Variants in DNAJC1 observed in about 807,000 individuals in gnomAD.
DNAJC1 encodes the protein dnaJ homolog subfamily C member 1.
A neutral mutation model predicts 76.6 loss-of-function variants in DNAJC1; 58 were observed. The ratio of observed to expected loss-of-function variants is 0.76; its 90% CI spans 0.61 to 0.94. The LOEUF is 0.94. Among genes scored for constraint, DNAJC1 ranks in the 40% least tolerant of loss-of-function variants. The pLI, the probability that DNAJC1 is intolerant of heterozygous loss-of-function variation, is 0.00. For missense variants in DNAJC1, 689 were observed against 677.3 expected, an observed-to-expected ratio of 1.02 and a Z score of -0.19; for synonymous variants, 258 against 267.9, an observed-to-expected ratio of 0.96 and a Z score of 0.36.
chr10:21,938,260 C>T (rs947142111), intron 1 of DNAJC1, among the ~76,000 whole-genome samples: 8 of 150,580 alleles, frequency 5.3e-5, no homozygotes, highest in East Asian at 1.9e-4. Flanking sequence ...GAGAAGGATA[C>T]GAATGAAAAC....
intron 8 of DNAJC1, among the ~76,000 whole-genome samples, chr10:21,843,432 C>G (rs1336726645): frequency 7.1e-6 from 1 of 141,316 alleles, no homozygotes; most frequent in Non-Finnish European, 1.5e-5. Context: ...CTCACTCTGT[C>G]GCCCAGGCTG....
intron 1 of DNAJC1, among the ~76,000 whole-genome samples, chr10:21,937,691 G>T (rs1005760556): frequency 6.6e-6 from 1 of 152,046 alleles, no homozygotes; most frequent in Non-Finnish European, 1.5e-5. Flanking sequence ...AGGAATATTA[G>T]CCAAGATATA....
rs1716931100 is a variant in DNAJC1, at chr10:21,928,624, CTACAA to C, written c.325-77_325-73del. The C allele has an allele frequency of 1.5e-5, 18 of 1,200,966 alleles. No homozygotes were observed. The South Asian group carries it at 2.1e-4, about 14-fold the overall frequency. 74.4% of individuals were successfully genotyped at this position (1,200,966 alleles called of 1,614,324 possible). On this transcript the variant is annotated intron_variant, in intron 2 of 11. Transcript: ENST00000376980. The stretch of plus-strand genomic sequence containing the variant: ...GAAATCACATAGGAGGGTGAAGGCA[CTACAA>C]TACACATGCAGAAAATCCTATGTGC...
intron 3 of DNAJC1, among the ~76,000 whole-genome samples, chr10:21,923,556 T>C (rs1033936556): frequency 2.6e-5 from 4 of 151,966 alleles, no homozygotes; most frequent in African/African-American, 4.8e-5. Context: ...AATGTATAAA[T>C]GTATGTGTTG....
chr10:21,893,215 G>C (rs560835478), intron 7 of DNAJC1, among the ~76,000 whole-genome samples: 58 of 151,150 alleles, frequency 3.8e-4, no homozygotes, highest in African/African-American at 1.3e-3. Flanking sequence ...ATGTTTAATA[G>C]AAATATAACA....
At chr10:21,799,248 G>A (rs1044217279) in intron 9 of DNAJC1, among the ~76,000 whole-genome samples, 5 of 152,006 alleles carry the variant, frequency 3.3e-5, no homozygotes, top group Non-Finnish European at 7.4e-5. Context: ...TTTACGTGTG[G>A]TTTCCATGTT....
At chr10:21,988,256 T>C (rs187888910) in intron 1 of DNAJC1, among the ~76,000 whole-genome samples, 2 of 152,272 alleles carry the variant, frequency 1.3e-5, no homozygotes, top group Non-Finnish European at 2.9e-5. Context: ...TTATCCATGT[T>C]AGAAAGGCAT....
chr10:21,818,952 A>G (rs561289505), intron 8 of DNAJC1, among the ~76,000 whole-genome samples: 2 of 152,334 alleles, frequency 1.3e-5, no homozygotes, highest in East Asian at 3.9e-4. Flanking sequence ...AAAATGCAGA[A>G]GAGTAAATTG....
chr10:21,762,063 C>A (rs896133479), intron 10 of DNAJC1, among the ~76,000 whole-genome samples: 1 of 152,114 alleles, frequency 6.6e-6, no homozygotes, highest in Admixed American at 6.5e-5. Flanking sequence ...GTCAGCCTCT[C>A]GAGGAGCTGG....
intron 7 of DNAJC1, among the ~76,000 whole-genome samples, chr10:21,901,235 T>TA (rs765510627): frequency 2.0e-5 from 3 of 152,220 alleles, no homozygotes; most frequent in Non-Finnish European, 4.4e-5. Context: ...TCATAGAAGG[T>TA]ACAAAGAAAG....
At chr10:21,901,448 A>G (rs1836651560) in intron 7 of DNAJC1, among the ~76,000 whole-genome samples, 1 of 152,200 alleles carries the variant, frequency 6.6e-6, no homozygotes, top group African/African-American at 2.4e-5. Context: ...TTAACCCTCA[A>G]AAGTCTAATA....
chr10:21,976,001 T>G (rs1310541354), intron 1 of DNAJC1, among the ~76,000 whole-genome samples: 1 of 152,024 alleles, frequency 6.6e-6, no homozygotes, highest in Non-Finnish European at 1.5e-5. Flanking sequence ...GGCAAAAATA[T>G]AATAGGGAAA....
chr10:21,813,214 C>CTATA (rs1275585803), intron 8 of DNAJC1, among the ~76,000 whole-genome samples: 16 of 42,680 alleles, frequency 3.7e-4, no homozygotes, highest in Non-Finnish European at 5.7e-4. Context: ...CTCTCTCTCT[C>CTATA]TCTCTCTATA....
intron 9 of DNAJC1, among the ~76,000 whole-genome samples, chr10:21,802,342 A>G (rs1834823051): frequency 6.6e-6 from 1 of 152,124 alleles, no homozygotes; most frequent in Non-Finnish European, 1.5e-5. Context: ...ATTTGCCAAG[A>G]TAATAACTAT....
At position 22,003,542 on chromosome 10, in the gene DNAJC1, G is replaced by T; in HGVS notation, c.-108C>A. The stretch of plus-strand genomic sequence containing the variant: ...AACAGCGCCTGTCAGTGAAAAGCGC[G>T]GGCAGGCGCACCGGAGCGGCCCGCC... On this transcript the variant is annotated 5_prime_UTR_variant, in exon 1 of 12. Coordinates refer to ENST00000376980, the MANE Select transcript of DNAJC1 (RefSeq NM_022365.4). 1.6e-6 allele frequency: 2 copies of T among 1,232,900 alleles called. No individual in the cohort carries two copies. The highest frequency in any genetic ancestry group is 3.0e-5 in the South Asian group (1 of 33,844). 76.4% of individuals were successfully genotyped at this position (1,232,900 alleles called of 1,614,324 possible).
intron 1 of DNAJC1, among the ~76,000 whole-genome samples, chr10:21,972,422 T>A (rs1455378005): frequency 1.3e-5 from 2 of 152,038 alleles, no homozygotes; most frequent in Non-Finnish European, 2.9e-5. Flanking sequence ...AATTTTCTAC[T>A]TGAGTATGTA....
chr10:21,908,285 T>TAC (rs1836792786), intron 6 of DNAJC1, among the ~76,000 whole-genome samples: 1 of 124,248 alleles, frequency 8.0e-6, no homozygotes, highest in Non-Finnish European at 1.6e-5. Flanking sequence ...TATATATATA[T>TAC]ATAAGAATTT....
At chr10:21,829,205 G>T (rs1225753376) in intron 8 of DNAJC1, among the ~76,000 whole-genome samples, 1 of 149,820 alleles carries the variant, frequency 6.7e-6, no homozygotes, top group Non-Finnish European at 1.5e-5. Context: ...TGATTTTTTT[G>T]TTGTTGTTCG....
chr10:21,805,928 C>T, intron 9 of DNAJC1, 52 bp downstream of exon 9: 1 of 1,604,786 alleles, frequency 6.2e-7, no homozygotes, highest in African/African-American at 1.3e-5. Context: ...TTCTACATAG[C>T]TGACTTGTTC....
Sources: gnomAD v4.1 joint callset for allele counts (sites outside exome capture counted in the v4.1 genomes callset) on GRCh38, gnomAD v4.1.1 for gene constraint, MANE v1.5 for transcripts, NCBI Gene and HGNC (gene_info 2026-07-23, HGNC 2026-07-21) for gene names.